Variants in M1AP observed in about 807,000 individuals in gnomAD.
M1AP encodes meiosis 1 arrest protein.
M1AP carries 39 observed loss-of-function variants against 51.2 expected under a neutral mutation model. The ratio of observed to expected loss-of-function variants is 0.76; its 90% CI spans 0.59 to 1.00. M1AP has a LOEUF of 1.00. Among genes scored for constraint, M1AP ranks in the 50% least tolerant of loss-of-function variants. The pLI is 0.00. For synonymous variants in M1AP, 251 were observed against 249.2 expected, an observed-to-expected ratio of 1.01 and a Z score of -0.07; for missense variants, 545 against 641.2, an observed-to-expected ratio of 0.85 and a Z score of 1.62.
intron 1 of M1AP, among the ~76,000 whole-genome samples, chr2:74,640,534 C>T (rs1196867011): frequency 1.3e-5 from 2 of 149,652 alleles, no homozygotes; most frequent in African/African-American, 4.9e-5. Flanking sequence ...GATCTTGGCT[C>T]ACTGCAACCT....
chr2:74,576,403 G>A (rs1679067352), intron 6 of M1AP, 53 bp downstream of exon 6: 3 of 1,583,482 alleles, frequency 1.9e-6, no homozygotes, highest in Admixed American at 3.4e-5. Context: ...CCTAGCCACA[G>A]AACCACTAAG....
chr2:74,641,697 A>AT (rs1683306682), intron 1 of M1AP, among the ~76,000 whole-genome samples: 2 of 151,646 alleles, frequency 1.3e-5, no homozygotes, highest in African/African-American at 4.9e-5. Context: ...GATGGTCTCA[A>AT]ACTCCTGGGC....
chr2:74,635,173 C>A (rs1197867135), intron 2 of M1AP, among the ~76,000 whole-genome samples: 1 of 152,054 alleles, frequency 6.6e-6, no homozygotes, highest in African/African-American at 2.4e-5. Flanking sequence ...GGTTACAGGG[C>A]CATTCAAACT....
intron 1 of M1AP, chr2:74,647,913 G>T: frequency 1.5e-6 from 1 of 646,960 alleles, no homozygotes; most frequent in Non-Finnish European, 1.9e-6. Flanking sequence ...AGCAAAACCA[G>T]AAGAAAAAAA....
At chr2:74,615,398 T>A in intron 2 of M1AP, 1 of 457,272 alleles carries the variant, frequency 2.2e-6, no homozygotes, top group Non-Finnish European at 4.0e-6. Flanking sequence ...TGAAAGGAAG[T>A]GTTTTAACTC....
chr2:74,587,192 C>T (rs1558662054), intron 4 of M1AP, among the ~76,000 whole-genome samples: 3 of 145,204 alleles, frequency 2.1e-5, no homozygotes, highest in Non-Finnish European at 3.0e-5. Flanking sequence ...ATATATTTTC[C>T]TTTTTTTTTT....
At chr2:74,597,684 T>C (rs908937684) in intron 4 of M1AP, among the ~76,000 whole-genome samples, 2 of 152,186 alleles carry the variant, frequency 1.3e-5, no homozygotes, top group African/African-American at 4.8e-5. Flanking sequence ...CTGATATCCT[T>C]GTGTATGACT....
chr2:74,584,392 T>C (rs941776268), intron 4 of M1AP, among the ~76,000 whole-genome samples: 9 of 147,490 alleles, frequency 6.1e-5, no homozygotes, highest in Non-Finnish European at 7.4e-5. Flanking sequence ...GAGGACAGCT[T>C]GAGCCCAAAA....
intron 1 of M1AP, among the ~76,000 whole-genome samples, chr2:74,641,011 T>C (rs1465186741): frequency 1.3e-5 from 2 of 152,260 alleles, no homozygotes; most frequent in African/African-American, 4.8e-5. Context: ...ACCTGTCTTG[T>C]TGATATTATT....
At chr2:74,591,127 T>G (rs774915054) in intron 4 of M1AP, among the ~76,000 whole-genome samples, 32 of 152,314 alleles carry the variant, frequency 2.1e-4, no homozygotes, top group Middle Eastern at 3.4e-3. Context: ...TAAGGGATGA[T>G]AGAGTATAAA....
intron 4 of M1AP, among the ~76,000 whole-genome samples, chr2:74,605,828 G>A (rs1455341949): frequency 1.3e-5 from 2 of 151,880 alleles, no homozygotes; most frequent in Non-Finnish European, 2.9e-5. Flanking sequence ...ATGAACCTGG[G>A]AGGCGGAGCT....
At chr2:74,581,103 A>G (rs1679379043) in intron 5 of M1AP, among the ~76,000 whole-genome samples, 1 of 152,192 alleles carries the variant, frequency 6.6e-6, no homozygotes. Flanking sequence ...TATTTTTGGC[A>G]TGACCAGAAC....
At chr2:74,632,999 A>G (rs1479030954) in intron 2 of M1AP, among the ~76,000 whole-genome samples, 3 of 152,098 alleles carry the variant, frequency 2.0e-5, no homozygotes, top group Non-Finnish European at 2.9e-5. Flanking sequence ...GATATCTTCT[A>G]TTTGCCCTTC....
chr2:74,584,904 G>A (rs1017211163), intron 4 of M1AP, among the ~76,000 whole-genome samples: 1 of 151,548 alleles, frequency 6.6e-6, no homozygotes, highest in Non-Finnish European at 1.5e-5. Flanking sequence ...GTGCAGTGGT[G>A]TGATCTCAGC....
chr2:74,609,095 C>T (rs1050117823), intron 3 of M1AP, among the ~76,000 whole-genome samples: 1 of 152,142 alleles, frequency 6.6e-6, no homozygotes, highest in Non-Finnish European at 1.5e-5. Context: ...ATCCTCTCTG[C>T]TATTTTGAAA....
intron 2 of M1AP, among the ~76,000 whole-genome samples, chr2:74,625,972 A>G (rs890696213): frequency 1.3e-5 from 2 of 152,210 alleles, no homozygotes; most frequent in Non-Finnish European, 2.9e-5. Context: ...GCATGCCTGT[A>G]AGCCCAGCCA....
rs1048641586 is a variant in M1AP at position 74,607,282 on chromosome 2, A to G, written c.427-59T>C. Reference sequence around the variant, plus strand: ...CTCCCTGATGTACAGAGTGAGGAACATAACAGTTCCTACCCGGAGGATAAA... The same window carrying G: ...CTCCCTGATGTACAGAGTGAGGAACGTAACAGTTCCTACCCGGAGGATAAA... On this transcript the variant is annotated intron_variant, in intron 3 of 10. Transcript: ENST00000421985. 92 of 1,513,794 alleles carry G rather than the reference A, an allele frequency of 6.1e-5. No individual in the cohort carries two copies. In the East Asian group the frequency reaches 6.8e-4, roughly 11 times the overall value. The allele number at this position is 1,513,794 out of a possible 1,614,324, so 93.8% of individuals were successfully genotyped here.
At chr2:74,571,333 C>T (rs763395860) in intron 7 of M1AP, among the ~76,000 whole-genome samples, 5 of 152,000 alleles carry the variant, frequency 3.3e-5, no homozygotes, top group African/African-American at 9.7e-5. Flanking sequence ...TAGACAATGG[C>T]GGTGCTGCTA....
chr2:74,641,176 G>T (rs1192433489), intron 1 of M1AP, among the ~76,000 whole-genome samples: 1 of 152,158 alleles, frequency 6.6e-6, no homozygotes, highest in Non-Finnish European at 1.5e-5. Flanking sequence ...TTACTTAATT[G>T]TTAGCCTCAT....
Sources: gnomAD v4.1 joint callset for allele counts (sites outside exome capture counted in the v4.1 genomes callset) on GRCh38, gnomAD v4.1.1 for gene constraint, MANE v1.5 for transcripts, NCBI Gene and HGNC (gene_info 2026-07-23, HGNC 2026-07-21) for gene names.